The following SH3BGRL2 variants were observed in gnomAD, a reference collection of about 807,000 sequenced individuals.
The protein encoded by SH3BGRL2 is SH3 domain binding glutamate rich protein like 2, also known as SH3 domain-binding glutamic acid-rich-like protein 2.
Under a neutral mutation model 14.8 loss-of-function variants are expected in SH3BGRL2, and 21 were observed. That is an observed-to-expected ratio of 1.42 (90% confidence interval 1.01 to 2.05). The LOEUF (loss-of-function observed/expected upper bound fraction) is 2.05. SH3BGRL2 is among the 30% of genes most tolerant of loss of function. The pLI, the probability that SH3BGRL2 is intolerant of heterozygous loss-of-function variation, is 0.00. For missense variants in SH3BGRL2, 147 were observed against 130.8 expected (o/e 1.12, Z -0.61); for synonymous variants, 50 against 47.8 (o/e 1.05, Z -0.19).
chr6:79,692,894 A>G (rs1419277061), intron 2 of SH3BGRL2, among the ~76,000 whole-genome samples: 1 of 152,202 alleles, frequency 6.6e-6, no homozygotes, highest in Admixed American at 6.5e-5. Flanking sequence ...TCCTGTGAAG[A>G]AAGTCATTGG....
the SH3BGRL2 span, among the ~76,000 whole-genome samples, chr6:79,556,401 CA>C: frequency 6.6e-6 from 1 of 152,000 alleles, no homozygotes; most frequent in African/African-American, 2.4e-5. Flanking sequence ...ACTATGTTAG[CA>C]AAAGTAGGAA....
chr6:79,598,609 G>T, the SH3BGRL2 span, among the ~76,000 whole-genome samples: 7 of 152,070 alleles, frequency 4.6e-5, no homozygotes, highest in Non-Finnish European at 1.0e-4. Context: ...GGGGGACTGA[G>T]AAATAACTGC....
the SH3BGRL2 span, among the ~76,000 whole-genome samples, chr6:79,555,047 T>C: frequency 6.6e-6 from 1 of 152,196 alleles, no homozygotes; most frequent in South Asian, 2.1e-4. Context: ...AATCTAAAAT[T>C]ATACCATATC....
chr6:79,698,034 A>G (rs1033240585), intron 3 of SH3BGRL2, among the ~76,000 whole-genome samples: 1 of 152,178 alleles, frequency 6.6e-6, no homozygotes, highest in African/African-American at 2.4e-5. Flanking sequence ...GCTTTTGGCC[A>G]CAGTATTAAA....
At chr6:79,661,190 T>G (rs1279476122) in intron 1 of SH3BGRL2, among the ~76,000 whole-genome samples, 1 of 152,188 alleles carries the variant, frequency 6.6e-6, no homozygotes, top group Non-Finnish European at 1.5e-5. Flanking sequence ...ATTTGTTACT[T>G]GTTGCTTCTC....
At chr6:79,568,835 A>G in the SH3BGRL2 span, among the ~76,000 whole-genome samples, 9 of 152,048 alleles carry the variant, frequency 5.9e-5, no homozygotes, top group Non-Finnish European at 1.2e-4. Context: ...TATTTTTCTT[A>G]TCTATATTGT....
chr6:79,631,814 G>A (rs1768832059), intron 1 of SH3BGRL2, among the ~76,000 whole-genome samples: 1 of 152,214 alleles, frequency 6.6e-6, no homozygotes, highest in South Asian at 2.1e-4. Context: ...GGAACGGGTT[G>A]TTCAAGAGCT....
At chr6:79,548,435 A>G in the SH3BGRL2 span, among the ~76,000 whole-genome samples, 3 of 152,192 alleles carry the variant, frequency 2.0e-5, no homozygotes, top group African/African-American at 7.2e-5. Flanking sequence ...TTAGTTTTTC[A>G]GTAGAAAACA....
the SH3BGRL2 span, among the ~76,000 whole-genome samples, chr6:79,581,242 C>T: frequency 8.5e-5 from 13 of 152,100 alleles, no homozygotes; most frequent in Admixed American, 3.3e-4. Context: ...CCTTCTGAAA[C>T]GATTCCAATC....
chr6:79,662,166 G>A (rs1487807232), intron 1 of SH3BGRL2, among the ~76,000 whole-genome samples: 1 of 152,034 alleles, frequency 6.6e-6, no homozygotes, highest in Non-Finnish European at 1.5e-5. Context: ...ATATTGTTTT[G>A]TGTGAATTTG....
the SH3BGRL2 span, among the ~76,000 whole-genome samples, chr6:79,603,121 G>A: frequency 6.6e-6 from 1 of 152,076 alleles, no homozygotes; most frequent in African/African-American, 2.4e-5. Flanking sequence ...CTACACCAAA[G>A]GGTTATATAA....
At chr6:79,673,054 TG>T (rs906569692) in intron 1 of SH3BGRL2, among the ~76,000 whole-genome samples, 27 of 151,726 alleles carry the variant, frequency 1.8e-4, no homozygotes, top group African/African-American at 6.3e-4. Context: ...ATCAATGAAA[TG>T]TCAACATCTC....
the SH3BGRL2 span, among the ~76,000 whole-genome samples, chr6:79,550,794 C>G: frequency 6.6e-6 from 1 of 152,140 alleles, no homozygotes; most frequent in Non-Finnish European, 1.5e-5. Context: ...CCCAGCAAAC[C>G]TGTCTCACTT....
In SH3BGRL2 at chr6:79,674,629, C is replaced by T. The variant is rs114934593; in HGVS notation, c.231+830C>T. ...AAATAAATAGCTAGGCTGTAATTAG[C>T]GTGGAGGAAAGGAATAACAGCCTTT... On this transcript the variant is annotated intron_variant, in intron 2 of 3. Coordinates refer to ENST00000369838, the MANE Select transcript of SH3BGRL2 (RefSeq NM_031469.4). 2.2e-3 allele frequency among the ~76,000 whole-genome samples: 330 copies of T among 152,240 alleles called. 1 individual carries two copies. Among genetic ancestry groups the T allele is most frequent in the African/African-American group, 7.6e-3 (317 of 41,560 alleles).
chr6:79,560,867 C>CTT, the SH3BGRL2 span, among the ~76,000 whole-genome samples: 89 of 45,784 alleles, frequency 1.9e-3, 10 homozygotes, highest in East Asian at 7.9e-3. Context: ...ACAATACACT[C>CTT]TTTTTTTTTT....
intron 1 of SH3BGRL2, among the ~76,000 whole-genome samples, chr6:79,654,369 G>A (rs988226978): frequency 6.6e-6 from 1 of 152,188 alleles, no homozygotes; most frequent in Admixed American, 6.5e-5. Context: ...GATGGAATTT[G>A]TGTGGGATTT....
chr6:79,602,922 A>G, the SH3BGRL2 span, among the ~76,000 whole-genome samples: 2 of 152,174 alleles, frequency 1.3e-5, no homozygotes, highest in African/African-American at 2.4e-5. Flanking sequence ...GTCTTCTGAG[A>G]CAGAGTGGTT....
Position 79,699,553 on chromosome 6 carries a change from CT to C in SH3BGRL2, c.*45del, listed in dbSNP as rs756382381. On this transcript the variant is annotated 3_prime_UTR_variant, in exon 4 of 4. Coordinates refer to ENST00000369838, the MANE Select transcript of SH3BGRL2 (RefSeq NM_031469.4). ...GACGGAGATGCATTTTGAAGCACCC[CT>C]GGTACTCAGCACACACATGCTTACC... 5.7e-5 allele frequency: 88 copies of C among 1,539,364 alleles called. No individual in the cohort carries two copies. Among genetic ancestry groups the C allele is most frequent in the Non-Finnish European group, 7.2e-5 (83 of 1,151,512 alleles).
chr6:79,650,919 AT>A (rs1284934427), intron 1 of SH3BGRL2, among the ~76,000 whole-genome samples: 2 of 148,852 alleles, frequency 1.3e-5, no homozygotes, highest in Non-Finnish European at 3.0e-5. Context: ...TAATATATAA[AT>A]AATGTATAAA....
Sources: allele counts gnomAD v4.1 joint callset (sites outside exome capture counted in the v4.1 genomes callset), GRCh38; gene constraint gnomAD v4.1.1; transcripts MANE v1.5; gene names NCBI Gene and HGNC (gene_info 2026-07-23, HGNC 2026-07-21).